The following SPG11 variants were observed in gnomAD, a reference collection of about 807,000 sequenced individuals.
The protein encoded by SPG11 is SPG11 vesicle trafficking associated, spatacsin.
SPG11 carries 222 observed loss-of-function variants against 274.0 expected under a neutral mutation model. That is an observed-to-expected ratio of 0.81 (90% CI 0.73 to 0.91). The LOEUF is 0.91. SPG11 is among the 40% of genes least tolerant of loss of function. SPG11 has a pLI of 0.00. For missense variants in SPG11, 3,114 were observed against 2,872.7 expected, an observed-to-expected ratio of 1.08 and a Z score of -1.92; for synonymous variants, 1,144 against 1,039.7, an observed-to-expected ratio of 1.10 and a Z score of -1.93.
Position 44,649,017 on chromosome 15 carries a change from G to C in SPG11, c.1457-6C>G, listed in dbSNP as rs758689364. 3 of 1,610,034 alleles carry C rather than the reference G, an allele frequency of 1.9e-6. No homozygotes were observed. The South Asian group carries it at 3.3e-5, about 18-fold the overall frequency. The stretch of plus-strand genomic sequence containing the variant: ...AATCAGAGAGAGTCCATTCTCTATA[G>C]GAAAAATAAAAGTTAGCTTTAACAA... On this transcript the variant is annotated splice_region_variant and splice_polypyrimidine_tract_variant and intron_variant, in intron 6 of 39. Coordinates refer to ENST00000261866, the MANE Select transcript of SPG11 (RefSeq NM_025137.4).
rs2083707431 is a variant in SPG11 at position 44,620,335 on chromosome 15, T to C, written c.2689A>G (p.Ile897Val). 3 of 1,614,118 alleles carry C rather than the reference T, an allele frequency of 1.9e-6. No individual in the cohort carries two copies. Among genetic ancestry groups the C allele is most frequent in the Non-Finnish European group, 8.5e-7 (1 of 1,180,014 alleles). Reference sequence around the variant, plus strand: ...GTTTGAAATTCTCCAATCCATAAGATAATGTTTAACCAATCATGGCGAGCT... The same window carrying C: ...GTTTGAAATTCTCCAATCCATAAGACAATGTTTAACCAATCATGGCGAGCT... ...LTARHDWLNIILWIGEFQTQH... is the reference protein window; with the variant it reads ...LTARHDWLNIVLWIGEFQTQH... The change falls in exon 15 of 40, where the codon ATC becomes GTC. Residue 897 changes from isoleucine (I) to valine (V), a missense_variant. Ile to Val is a conservative substitution (Grantham distance 29). Coordinates refer to ENST00000261866, the MANE Select transcript of SPG11 (RefSeq NM_025137.4).
At position 44,604,218 on chromosome 15, in the gene SPG11, T is replaced by C. The variant is rs1259824269; in HGVS notation, c.3520+1807A>G. On this transcript the variant is annotated intron_variant, in intron 20 of 39. Coordinates refer to ENST00000261866, the MANE Select transcript of SPG11 (RefSeq NM_025137.4). ...GATTCCTAAAAAAAAAAAAAAGGCT[T>C]GAAGACCCTGGAGGTATCTGTCATC... 20 of 417,378 alleles carry C rather than the reference T, an allele frequency of 4.8e-5. No individual in the cohort carries two copies. The East Asian group carries it at 1.3e-3, about 27-fold the overall frequency. 25.9% of individuals were successfully genotyped at this position (417,378 alleles called of 1,614,324 possible).
intron 7 of SPG11, among the ~76,000 whole-genome samples, chr15:44,639,020 C>T (rs1222512777): frequency 6.6e-6 from 1 of 151,370 alleles, no homozygotes; most frequent in African/African-American, 2.4e-5. Context: ...ATAATAGTAA[C>T]TATTATTATT....
chr15:44,622,867 T>C, intron 11 of SPG11, 68 bp from the exon 12 acceptor site: 2 of 1,132,656 alleles, frequency 1.8e-6, no homozygotes, highest in Non-Finnish European at 2.7e-6. Flanking sequence ...CATAAATATG[T>C]GTTAGATACA....
Position 44,621,797 on chromosome 15 carries a change from G to A in SPG11, c.2582C>T (p.Thr861Ile). The change falls in exon 14 of 40, where the codon ACA becomes ATA. Residue 861 changes from threonine to isoleucine, a missense_variant. Transcript: ENST00000261866. The part of the protein sequence containing the change: ...LNWALWWDQL[T>I]QESILLPRIS... ...CCTGGGGAGAAGGATGGATTCTTGTGTTAGTTGATCCCACCACAGAGCCCA... is the reference window on the plus strand; with the variant it reads ...CCTGGGGAGAAGGATGGATTCTTGTATTAGTTGATCCCACCACAGAGCCCA... 2 of 1,613,890 alleles carry A rather than the reference G, an allele frequency of 1.2e-6. No homozygotes were observed. Among genetic ancestry groups the A allele is most frequent in the African/African-American group, 1.3e-5 (1 of 75,008 alleles).
chr15:44,564,042 G>A (rs1170171342), intron 39 of SPG11, among the ~76,000 whole-genome samples: 1 of 152,134 alleles, frequency 6.6e-6, no homozygotes, highest in African/African-American at 2.4e-5. Flanking sequence ...TTGCCAGGCT[G>A]GAGTATAGTG....
At chr15:44,624,124 C>CT (rs1433987904) in intron 11 of SPG11, among the ~76,000 whole-genome samples, 1 of 151,342 alleles carries the variant, frequency 6.6e-6, no homozygotes, top group Admixed American at 6.6e-5. Context: ...ACCTAAGTGT[C>CT]TATCAACAGA....
At position 44,623,734 on chromosome 15, in the gene SPG11, A is replaced by G. The variant is rs80220048; in HGVS notation, c.2245-935T>C. ...ACTATCTCCTCCTAATCAAAGTGCC[A>G]GGTCTAACAGAGTACTTTTCTTTTC... On this transcript the variant is annotated intron_variant, in intron 11 of 39. Transcript: ENST00000261866. 1.2e-3 allele frequency among the ~76,000 whole-genome samples: 182 copies of G among 152,218 alleles called. 5 individuals are homozygous for G. The East Asian group carries it at 0.02, about 17-fold the overall frequency.
At position 44,628,673 on chromosome 15, in the gene SPG11, A is replaced by G; in HGVS notation, c.2063T>C (p.Phe688Ser). Residue 688 changes from phenylalanine (F) to serine (S), a missense_variant, in exon 10 of 40, where the codon TTT becomes TCT. Physicochemically the swap from Phe to Ser is radical, Grantham distance 155. Coordinates refer to ENST00000261866, the MANE Select transcript of SPG11 (RefSeq NM_025137.4). Reference protein sequence around the residue: ...KESNIWKKLSFEEVIASAILN... With the variant: ...KESNIWKKLSSEEVIASAILN... ...GTGATGATTATTCGTACTTACCTCA[A>G]AGCTGAGTTTCTTCCATATATTGCT... is the stretch of plus-strand genomic sequence containing the variant. 1 of 1,613,228 alleles carries G rather than the reference A, an allele frequency of 6.2e-7. No homozygotes were observed. The highest frequency in any genetic ancestry group is 8.5e-7 in the Non-Finnish European group (1 of 1,179,664).
chr15:44,569,382 A>G lies in SPG11; in HGVS notation c.6585+16T>C, dbSNP rs200049352. 4 of 1,559,866 alleles carry G rather than the reference A, an allele frequency of 2.6e-6. No individual in the cohort carries two copies. The East Asian group carries it at 9.1e-5, about 35-fold the overall frequency. ...AGCAGTACACCCCATCCTGGAGCTC[A>G]TTACTTTGCACCTACCGGATCCAAC... On this transcript the variant is annotated intron_variant, in intron 35 of 39. Coordinates refer to ENST00000261866, the MANE Select transcript of SPG11 (RefSeq NM_025137.4).
chr15:44,651,672 T>C lies in SPG11; in HGVS notation c.1275A>G (p.Ile425Met), dbSNP rs978081175. ...CTGTCACAGACACACATTTAAGCTC[T>C]ATGGGTTCCTCTTGTTCACTGATGT... ...IMHISEQEEP[I>M]ELKCVSVTGF... The change falls in exon 6 of 40, where the codon ATA becomes ATG. Residue 425 changes from isoleucine to methionine, a missense_variant. Physicochemically the swap from Ile to Met is conservative, Grantham distance 10 (BLOSUM62 1). Coordinates refer to ENST00000261866, the MANE Select transcript of SPG11 (RefSeq NM_025137.4). 1 of 1,611,514 alleles carries C rather than the reference T, an allele frequency of 6.2e-7. No individual in the cohort carries two copies. The highest frequency in any genetic ancestry group is 8.5e-7 in the Non-Finnish European group (1 of 1,177,582).
intron 30 of SPG11, among the ~76,000 whole-genome samples, chr15:44,579,520 C>A: frequency 7.2e-6 from 1 of 139,558 alleles, no homozygotes. Flanking sequence ...GAGTGAGACT[C>A]CGTCTCAAAA....
At chr15:44,648,754 G>T in intron 7 of SPG11, 112 bp downstream of exon 7, 2 of 1,216,654 alleles carry the variant, frequency 1.6e-6, no homozygotes, top group Non-Finnish European at 2.4e-6. Context: ...ATATACAAAG[G>T]CTATAGTTCT....
rs922368462 is a variant in SPG11 at position 44,628,763 on chromosome 15, G to A, written c.1973C>T (p.Pro658Leu). ...NELRTFMIKF[P>L]WKLTDAIDEY... ...ATCTATAGCATCTGTTAGCTTCCAA[G>A]GAAACTTTATCATGAAGGTTCGAAG... Residue 658 changes from proline to leucine, a missense_variant, in exon 10 of 40, where the codon CCT (proline) becomes CTT (leucine). By Grantham distance (98) the Pro-to-Leu change is moderately conservative. Transcript: ENST00000261866. 9.3e-6 allele frequency: 15 copies of A among 1,613,634 alleles called. No homozygotes were observed. Among genetic ancestry groups the A allele is most frequent in the Non-Finnish European group, 1.3e-5 (15 of 1,179,860 alleles).
In SPG11 at chr15:44,585,625, A is replaced by G; in HGVS notation, c.5121+11T>C. ...TCTAAAAAAAAAAAAAAAAAAAAAG[A>G]CCGATGATACCTCTTTAATAACCAA... On this transcript the variant is annotated intron_variant, in intron 29 of 39. Transcript: ENST00000261866. 6.6e-7 allele frequency: 1 copy of G among 1,511,458 alleles called. No homozygotes were observed. Among genetic ancestry groups the G allele is most frequent in the Non-Finnish European group, 9.1e-7 (1 of 1,098,242 alleles). 93.6% of individuals were successfully genotyped at this position (1,511,458 alleles called of 1,614,324 possible).
chr15:44,598,454 G>C (rs979199877), intron 22 of SPG11, 81 bp from the exon 23 acceptor site: 13 of 1,380,478 alleles, frequency 9.4e-6, no homozygotes, highest in Non-Finnish European at 1.3e-5. Flanking sequence ...GTGTGGCTCA[G>C]GGCCATTTCA....
intron 7 of SPG11, among the ~76,000 whole-genome samples, chr15:44,642,404 A>C (rs1209782796): frequency 6.7e-6 from 1 of 150,044 alleles, no homozygotes; most frequent in East Asian, 1.9e-4. Context: ...GAAAGGAAAG[A>C]AAAGAAAAAA....
chr15:44,663,009 G>C (rs1221624612), intron 1 of SPG11, among the ~76,000 whole-genome samples: 2 of 152,258 alleles, frequency 1.3e-5, no homozygotes, highest in African/African-American at 4.8e-5. Flanking sequence ...ATGATCCTCA[G>C]CTGGCATCTT....
At position 44,620,162 on chromosome 15, in the gene SPG11, T is replaced by C. The variant is rs776622642; in HGVS notation, c.2834+28A>G. On this transcript the variant is annotated intron_variant, in intron 15 of 39. Coordinates refer to ENST00000261866, the MANE Select transcript of SPG11 (RefSeq NM_025137.4). ...TTGCTCTTCCCTTGTATTCTTCCCA[T>C]TGGGTATTAGTTCAACAGTTATAAT... 31 of 1,530,488 alleles carry C rather than the reference T, an allele frequency of 2.0e-5. 1 individual carries two copies. In the South Asian group the frequency reaches 2.5e-4, roughly 12 times the overall value. 94.8% of individuals were successfully genotyped at this position (1,530,488 alleles called of 1,614,324 possible). A position where few individuals can be genotyped will look rare whatever the true frequency, so the allele number is the denominator to read the frequency against.
Sources: gnomAD v4.1 joint callset for allele counts (sites outside exome capture counted in the v4.1 genomes callset) on GRCh38, gnomAD v4.1.1 for gene constraint, MANE v1.5 for transcripts, NCBI Gene and HGNC (gene_info 2026-07-23, HGNC 2026-07-21) for gene names.